LRFN5: variants seen among roughly 807,000 people sequenced by gnomAD.
LRFN5 encodes leucine-rich repeat and fibronectin type-III domain-containing protein 5.
Under a neutral mutation model 45.6 loss-of-function variants are expected in LRFN5, and 24 were observed. The observed-to-expected ratio is 0.53, with a 90% CI of 0.38 to 0.74. LRFN5 has a LOEUF of 0.74. LRFN5 is among the 30% of genes least tolerant of loss of function. LRFN5 has a pLI of 0.00. For synonymous variants in LRFN5, 340 were observed against 313.8 expected, an observed-to-expected ratio of 1.08 and a Z score of -0.88; for missense variants, 776 against 861.5, an observed-to-expected ratio of 0.90 and a Z score of 1.24.
intron 4 of LRFN5, among the ~76,000 whole-genome samples, chr14:41,897,707 AT>A (rs1890985162): frequency 6.6e-6 from 1 of 152,226 alleles, no homozygotes; most frequent in South Asian, 2.1e-4. Context: ...AATTTTCTGC[AT>A]TTTTTAATTA....
intron 2 of LRFN5, among the ~76,000 whole-genome samples, chr14:41,866,566 G>A (rs952838308): frequency 1.6e-4 from 25 of 152,036 alleles, no homozygotes; most frequent in Admixed American, 6.6e-4. Context: ...AAACTCCCTC[G>A]AACCTGGTCT....
At chr14:41,749,585 A>G (rs1885048104) in intron 1 of LRFN5, among the ~76,000 whole-genome samples, 1 of 152,154 alleles carries the variant, frequency 6.6e-6, no homozygotes, top group Non-Finnish European at 1.5e-5. Flanking sequence ...CAAATACTGC[A>G]CGCTCTCACT....
At chr14:41,750,511 T>C (rs1349431357) in intron 1 of LRFN5, among the ~76,000 whole-genome samples, 1 of 151,966 alleles carries the variant, frequency 6.6e-6, no homozygotes, top group Admixed American at 6.6e-5. Flanking sequence ...CATAAAATAA[T>C]GTATGTAACA....
chr14:41,642,111 G>A (rs1263666173), intron 1 of LRFN5, among the ~76,000 whole-genome samples: 1 of 152,040 alleles, frequency 6.6e-6, no homozygotes, highest in East Asian at 1.9e-4. Context: ...ATTTGAATTT[G>A]TTTGTAGCTT....
chr14:41,657,083 C>G (rs559924228), intron 1 of LRFN5, among the ~76,000 whole-genome samples: 1 of 151,890 alleles, frequency 6.6e-6, no homozygotes, highest in South Asian at 2.1e-4. Context: ...CATTTGTTTT[C>G]AAGGGAAAGA....
chr14:41,731,962 A>G (rs1594654463), intron 1 of LRFN5: 1 of 152,196 alleles, frequency 6.6e-6, no homozygotes, highest in Admixed American at 6.6e-5. Context: ...GAATGATGGC[A>G]TAGTGAGAAG....
At chr14:41,627,104 G>A (rs1888361552) in intron 1 of LRFN5, among the ~76,000 whole-genome samples, 1 of 152,082 alleles carries the variant, frequency 6.6e-6, no homozygotes, top group Non-Finnish European at 1.5e-5. Context: ...AGAACTCTAA[G>A]GAGGTTAGCT....
chr14:41,668,123 T>C (rs1880993646), intron 1 of LRFN5, among the ~76,000 whole-genome samples: 1 of 152,094 alleles, frequency 6.6e-6, no homozygotes, highest in Admixed American at 6.6e-5. Flanking sequence ...ATAAGGGAGG[T>C]GCTTAGAATA....
At chr14:41,627,922 A>C (rs978061200) in intron 1 of LRFN5, among the ~76,000 whole-genome samples, 5 of 152,102 alleles carry the variant, frequency 3.3e-5, no homozygotes, top group African/African-American at 1.2e-4. Context: ...AAATGTACTT[A>C]GTTTCTATTT....
chr14:41,610,874 C>T (rs1424437650), intron 1 of LRFN5, among the ~76,000 whole-genome samples: 1 of 151,594 alleles, frequency 6.6e-6, no homozygotes, highest in Non-Finnish European at 1.5e-5. Flanking sequence ...GACAAGGACC[C>T]CACTTTGTCC....
chr14:41,838,083 G>GTAAAAAGGAACATGTAAAAAAAAAA (rs1482253695), intron 2 of LRFN5, among the ~76,000 whole-genome samples: 1 of 152,126 alleles, frequency 6.6e-6, no homozygotes, highest in Admixed American at 6.6e-5. Flanking sequence ...AAAAGGAAAT[G>GTAAAAAGGAACATGTAAAAAAAAAA]TGTGCTTATC....
chr14:41,746,716 G>A (rs1043022798), intron 1 of LRFN5, among the ~76,000 whole-genome samples: 2 of 151,656 alleles, frequency 1.3e-5, no homozygotes, highest in African/African-American at 4.8e-5. Flanking sequence ...AAAGAAGAAA[G>A]GAAGGAAGGA....
chr14:41,623,106 A>G (rs538864015), intron 1 of LRFN5, among the ~76,000 whole-genome samples: 4 of 152,216 alleles, frequency 2.6e-5, no homozygotes, highest in South Asian at 4.1e-4. Context: ...CTCTGCTATT[A>G]AAGTTCAGCT....
intron 1 of LRFN5, among the ~76,000 whole-genome samples, chr14:41,684,347 A>G (rs937077985): frequency 2.0e-5 from 3 of 152,188 alleles, no homozygotes; most frequent in Admixed American, 6.5e-5. Flanking sequence ...TAACTGACAC[A>G]CAGTTCAGCA....
intron 4 of LRFN5, chr14:41,892,901 G>A (rs1890830983): frequency 4.1e-6 from 4 of 985,002 alleles, no homozygotes; most frequent in Non-Finnish European, 3.6e-6. Context: ...GAATGAATGA[G>A]TTTTATGTTG....
Position 41,887,220 on chromosome 14 carries a change from C to T in LRFN5, c.595C>T (p.Arg199Trp). 6.2e-7 allele frequency: 1 copy of T among 1,614,090 alleles called. No individual in the cohort carries two copies. The highest frequency in any genetic ancestry group is 8.5e-7 in the Non-Finnish European group (1 of 1,180,022). Reference protein sequence around the residue: ...GTFSHLHKMTRLDVTSNKLQK... With the variant: ...GTFSHLHKMTWLDVTSNKLQK... ...CTTCTCCCATTTGCACAAGATGACTCGGTTAGATGTGACATCAAATAAATT... is the reference window on the plus strand; with the variant it reads ...CTTCTCCCATTTGCACAAGATGACTTGGTTAGATGTGACATCAAATAAATT... The change falls in exon 3 of 6, where the codon CGG (arginine) becomes TGG (tryptophan). Residue 199 changes from arginine to tryptophan, a missense_variant. Coordinates refer to ENST00000298119, the MANE Select transcript of LRFN5 (RefSeq NM_152447.5). This position sits in a 1 kb window ranked among gnomAD's most constrained non-coding sequence, Gnocchi z 4.8.
At position 41,670,199 on chromosome 14, in the gene LRFN5, T is replaced by TTC. The variant is rs1219205965; in HGVS notation, c.-197+61641_-197+61642dup. On this transcript the variant is annotated intron_variant, in intron 1 of 5. Coordinates refer to ENST00000298119, the MANE Select transcript of LRFN5 (RefSeq NM_152447.5). ...TACACATTCTCTATATATATATACA[T>TTC]TCTCTGTGTGTGTGTGTATATATAT... 2.3e-4 allele frequency among the ~76,000 whole-genome samples: 17 copies of TTC among 73,628 alleles called. No individual in the cohort carries two copies. The South Asian group carries it at 4.2e-3, about 18-fold the overall frequency. The allele number at this position is 73,628 out of a possible 152,430, so 48.3% of individuals were successfully genotyped here. A position where few individuals can be genotyped will look rare whatever the true frequency, so the allele number is the denominator to read the frequency against.
At chr14:41,813,869 T>A (rs1378205218) in intron 2 of LRFN5, among the ~76,000 whole-genome samples, 2 of 152,206 alleles carry the variant, frequency 1.3e-5, no homozygotes. Context: ...TTCCTGACTT[T>A]TTAATCTAAT....
At chr14:41,659,738 G>A (rs900812171) in intron 1 of LRFN5, among the ~76,000 whole-genome samples, 10 of 151,940 alleles carry the variant, frequency 6.6e-5, no homozygotes, top group Non-Finnish European at 1.2e-4. Flanking sequence ...TTTAATGATC[G>A]CCATTCTAAC....
Sources: gnomAD v4.1 joint callset for allele counts (sites outside exome capture counted in the v4.1 genomes callset) on GRCh38, gnomAD v4.1.1 for gene constraint, Gnocchi (gnomAD v3.1) non-coding constraint, MANE v1.5 for transcripts, NCBI Gene and HGNC (gene_info 2026-07-23, HGNC 2026-07-21) for gene names.